Variants in FAM151B observed in about 807,000 individuals in gnomAD.
FAM151B encodes the protein family with sequence similarity 151 member B.
FAM151B carries 24 observed loss-of-function variants against 31.2 expected under a neutral mutation model. That is an observed-to-expected ratio of 0.77 (90% CI 0.56 to 1.08). FAM151B has a LOEUF of 1.08. Among genes scored for constraint, FAM151B ranks in the 50% least tolerant of loss-of-function variants. The probability of loss-of-function intolerance (pLI) is 0.00; values close to 1 mark genes in which losing one functional copy is unlikely to be tolerated. For missense variants in FAM151B, 293 were observed against 328.6 expected (o/e 0.89, Z 0.84); for synonymous variants, 105 against 111.4 (o/e 0.94, Z 0.36).
chr5:80,524,046 T>C (rs10070571), intron 5 of FAM151B, among the ~76,000 whole-genome samples: 15,702 of 152,180 alleles, frequency 0.1, 1,274 homozygotes, highest in African/African-American at 0.23. Context: ...ACTGTATTAA[T>C]TTTTTAAAGA....
At position 80,542,331 on chromosome 5, in the gene FAM151B, C is replaced by T. The variant is rs1352473274; in HGVS notation, c.*499C>T. On this transcript the variant is annotated 3_prime_UTR_variant, in exon 6 of 6. Transcript: ENST00000282226. The stretch of plus-strand genomic sequence containing the variant: ...CATATCAAGATCTATTAATCCATTT[C>T]CTGAAACTGTAGATTAAATTAGATA... 6.6e-6 allele frequency: 1 copy of T among 152,552 alleles called. No individual in the cohort carries two copies. The highest frequency in any genetic ancestry group is 2.4e-5 in the African/African-American group (1 of 41,428). The allele number at this position is 152,552 out of a possible 1,614,324, so 9.4% of individuals were successfully genotyped here.
At chr5:80,488,441 G>C (rs1202063020) in intron 1 of FAM151B, among the ~76,000 whole-genome samples, 1 of 152,220 alleles carries the variant, frequency 6.6e-6, no homozygotes, top group Admixed American at 6.5e-5. Flanking sequence ...GGAATGTGAC[G>C]TTTCCCTAAT....
intron 5 of FAM151B, among the ~76,000 whole-genome samples, chr5:80,524,031 A>C (rs977248631): frequency 6.6e-6 from 1 of 152,284 alleles, no homozygotes; most frequent in East Asian, 1.9e-4. Flanking sequence ...GAAATCAAAT[A>C]GCATACTGTA....
chr5:80,540,489 A>G (rs1353905990), intron 5 of FAM151B, among the ~76,000 whole-genome samples: 1 of 152,200 alleles, frequency 6.6e-6, no homozygotes, highest in Non-Finnish European at 1.5e-5. Flanking sequence ...ATGTTTTTCC[A>G]TTCATTGATA....
rs869249722 is a variant in FAM151B at position 80,494,443 on chromosome 5, T to TTTTCTTTCTTTC, written c.25+6299_25+6310dup. 5.1e-4 allele frequency among the ~76,000 whole-genome samples: 43 copies of TTTTCTTTCTTTC among 84,448 alleles called. 1 individual carries two copies. Among genetic ancestry groups the TTTTCTTTCTTTC allele is most frequent in the African/African-American group, 1.5e-3 (40 of 26,516 alleles). 55.4% of individuals were successfully genotyped at this position (84,448 alleles called of 152,430 possible). Reference sequence around the variant, plus strand: ...TTTCTTTCTTTCTGTCTTTCTTTCTTTTTCTTTCTTTCTTTTCTTTCTTTC... The same window carrying TTTTCTTTCTTTC: ...TTTCTTTCTTTCTGTCTTTCTTTCTTTTTCTTTCTTTCTTTCTTTCTTTCTTTTCTTTCTTTC... On this transcript the variant is annotated intron_variant, in intron 1 of 5. Transcript: ENST00000282226.
intron 3 of FAM151B, among the ~76,000 whole-genome samples, chr5:80,519,098 A>G (rs1398668375): frequency 6.6e-6 from 1 of 152,222 alleles, no homozygotes; most frequent in Non-Finnish European, 1.5e-5. Context: ...ATTTTCAGAA[A>G]AGGTTCTTAC....
chr5:80,504,719 C>T (rs1743886138), intron 2 of FAM151B, among the ~76,000 whole-genome samples: 4 of 151,870 alleles, frequency 2.6e-5, no homozygotes, highest in Admixed American at 2.6e-4. Context: ...GGGGTTTCAC[C>T]ATGTTGGCTA....
At chr5:80,515,244 AAAAT>A (rs1210867302) in intron 3 of FAM151B, among the ~76,000 whole-genome samples, 1 of 141,944 alleles carries the variant, frequency 7.0e-6, no homozygotes, top group Admixed American at 7.0e-5. Flanking sequence ...CTGTCTCAAA[AAAAT>A]AAATAAATAA....
chr5:80,538,771 T>A (rs1175327669), intron 5 of FAM151B, among the ~76,000 whole-genome samples: 1 of 151,662 alleles, frequency 6.6e-6, no homozygotes, highest in African/African-American at 2.4e-5. Context: ...TAATTTTTTT[T>A]TATCTTTAGT....
rs979252363 is a variant in FAM151B at position 80,521,365 on chromosome 5, A to G, written c.536-638A>G. On this transcript the variant is annotated intron_variant, in intron 4 of 5. Transcript: ENST00000282226. Reference sequence around the variant, plus strand: ...GGTTTCAAACTCCTGGGCTCAAGCTATCCTCCCACCTTGGCCTCTCAAAGT... The same window carrying G: ...GGTTTCAAACTCCTGGGCTCAAGCTGTCCTCCCACCTTGGCCTCTCAAAGT... Among the ~76,000 whole-genome samples, 5 of 151,788 alleles carry G rather than the reference A, an allele frequency of 3.3e-5. No individual in the cohort carries two copies. In the South Asian group the frequency reaches 8.3e-4, roughly 25 times the overall value.
At chr5:80,538,479 T>C (rs187783768) in intron 5 of FAM151B, among the ~76,000 whole-genome samples, 2,021 of 91,632 alleles carry the variant, frequency 0.022, 80 homozygotes, top group Non-Finnish European at 0.03. Context: ...TCTTTCTTTC[T>C]TTCTTTCCTT....
At position 80,522,074 on chromosome 5, in the gene FAM151B, G is replaced by A. The variant is rs763618213; in HGVS notation, c.607G>A (p.Val203Ile). ...ACTAAGTCAGCCTGTAACGTTCCCT[G>A]TCAGAGCAGCATTAGTCAGGCAGTC... ...NELSQPVTFP[V>I]RAALVRQSCS... Residue 203 changes from valine (V) to isoleucine (I), a missense_variant, in exon 5 of 6, where the codon GTC becomes ATC. By Grantham distance (29) the Val-to-Ile change is conservative (BLOSUM62 3). Transcript: ENST00000282226. 3.1e-6 allele frequency: 5 copies of A among 1,613,234 alleles called. No individual in the cohort carries two copies. The East Asian group carries it at 8.9e-5, about 29-fold the overall frequency.
At chr5:80,513,530 T>C in intron 2 of FAM151B, 74 bp from the exon 3 acceptor site, 1 of 1,382,640 alleles carries the variant, frequency 7.2e-7, no homozygotes, top group East Asian at 2.3e-5. Flanking sequence ...CTCAAAAGGA[T>C]ACTGAACATG....
rs576087553 is a variant in FAM151B at position 80,527,413 on chromosome 5, A to T, written c.671+5275A>T. ...ACTTCAGCCTGGGTGGCAGAGCAAG[A>T]CTCTGTCTCAATTAAAAAAAAAAAA... On this transcript the variant is annotated intron_variant, in intron 5 of 5. Transcript: ENST00000282226. Among the ~76,000 whole-genome samples, 13 of 144,094 alleles carry T rather than the reference A, an allele frequency of 9.0e-5. No individual in the cohort carries two copies. In the East Asian group the frequency reaches 2.3e-3, roughly 25 times the overall value. 94.5% of individuals were successfully genotyped at this position (144,094 alleles called of 152,430 possible).
At chr5:80,522,330 C>A in intron 5 of FAM151B, 192 bp downstream of exon 5, 1 of 487,862 alleles carries the variant, frequency 2.0e-6, no homozygotes, top group Non-Finnish European at 3.4e-6. Context: ...ACTTACTTAA[C>A]ATCGTATATT....
chr5:80,513,819 CCTGA>C (rs1446597812), intron 3 of FAM151B, 50 bp downstream of exon 3: 7 of 1,507,710 alleles, frequency 4.6e-6, no homozygotes, highest in South Asian at 1.3e-5. Flanking sequence ...AATAGCTGTG[CCTGA>C]CTACCTATTT....
intron 3 of FAM151B, among the ~76,000 whole-genome samples, chr5:80,516,753 T>C (rs1209181425): frequency 6.6e-6 from 1 of 152,222 alleles, no homozygotes; most frequent in Non-Finnish European, 1.5e-5. Flanking sequence ...TAGAATCACA[T>C]GGAATTTATA....
intron 3 of FAM151B, among the ~76,000 whole-genome samples, chr5:80,515,500 A>G (rs1430756608): frequency 6.6e-6 from 1 of 152,104 alleles, no homozygotes; most frequent in Non-Finnish European, 1.5e-5. Context: ...CCTTGATGTC[A>G]CGTGCTCAGT....
intron 2 of FAM151B, among the ~76,000 whole-genome samples, chr5:80,509,863 A>C (rs1744115726): frequency 6.6e-6 from 1 of 152,172 alleles, no homozygotes; most frequent in Admixed American, 6.6e-5. Flanking sequence ...TCTATCTTCC[A>C]CCAGTTGCTA....
Sources: gnomAD v4.1 joint callset for allele counts (sites outside exome capture counted in the v4.1 genomes callset) on GRCh38, gnomAD v4.1.1 for gene constraint, MANE v1.5 for transcripts, NCBI Gene and HGNC (gene_info 2026-07-23, HGNC 2026-07-21) for gene names.